TBXAS1: variants seen among roughly 807,000 people sequenced by gnomAD.
The protein encoded by TBXAS1 is thromboxane-A synthase.
TBXAS1 carries 48 observed loss-of-function variants against 60.7 expected under a neutral mutation model. The ratio of observed to expected loss-of-function variants is 0.79; its 90% CI spans 0.63 to 1.01. The LOEUF is 1.01. TBXAS1 is among the 50% of genes least tolerant of loss of function. The pLI is 0.00. For synonymous variants in TBXAS1, 287 were observed against 269.7 expected, an observed-to-expected ratio of 1.06 and a Z score of -0.63; for missense variants, 685 against 686.3, an observed-to-expected ratio of 1.00 and a Z score of 0.02.
intron 5 of TBXAS1, among the ~76,000 whole-genome samples, chr7:139,951,168 C>T (rs941471064): frequency 6.6e-6 from 1 of 152,094 alleles, no homozygotes; most frequent in African/African-American, 2.4e-5. Flanking sequence ...CTAAAAAAAT[C>T]GAAATAGCAA....
At chr7:139,901,069 G>A (rs1055062464) in intron 3 of TBXAS1, among the ~76,000 whole-genome samples, 1 of 152,190 alleles carries the variant, frequency 6.6e-6, no homozygotes, top group East Asian at 1.9e-4. Flanking sequence ...GCAGACAAAA[G>A]CAGGTGAGCC....
At chr7:139,886,574 C>T (rs1803131248) in intron 3 of TBXAS1, among the ~76,000 whole-genome samples, 1 of 152,044 alleles carries the variant, frequency 6.6e-6, no homozygotes, top group Admixed American at 6.6e-5. Context: ...TGTGGGCATC[C>T]AGGATTGAAT....
At chr7:139,824,312 G>A (rs1169318323), upstream of TBXAS1, among the ~76,000 whole-genome samples, 3 of 152,184 alleles carry the variant, frequency 2.0e-5, no homozygotes, top group South Asian at 2.1e-4. Flanking sequence ...GGCTCGAGAC[G>A]GAAAGTCGGT....
intron 4 of TBXAS1, among the ~76,000 whole-genome samples, chr7:139,808,912 A>G (rs1286726339): frequency 6.7e-6 from 1 of 150,222 alleles, no homozygotes; most frequent in African/African-American, 2.5e-5. Flanking sequence ...TTTCTCATCT[A>G]TCTCTATTTC....
chr7:139,912,553 G>A (rs1805614265), intron 4 of TBXAS1, among the ~76,000 whole-genome samples: 1 of 152,304 alleles, frequency 6.6e-6, no homozygotes, highest in Admixed American at 6.5e-5. Context: ...CAGGCACTGT[G>A]TAGGTGCTGA....
chr7:139,792,970 G>A (rs1169994827), intron 4 of TBXAS1, among the ~76,000 whole-genome samples: 1 of 152,196 alleles, frequency 6.6e-6, no homozygotes. Context: ...TCTGCAGCCT[G>A]CCTGATTCAT....
intron 3 of TBXAS1, among the ~76,000 whole-genome samples, chr7:139,882,658 A>G (rs766837597): frequency 9.9e-5 from 15 of 152,228 alleles, no homozygotes; most frequent in Admixed American, 2.0e-4. Flanking sequence ...AATACCCTTG[A>G]AACAGTGGAA....
intron 4 of TBXAS1, among the ~76,000 whole-genome samples, chr7:139,789,093 G>A (rs1037205251): frequency 2.6e-5 from 4 of 152,168 alleles, no homozygotes; most frequent in Non-Finnish European, 5.9e-5. Flanking sequence ...GGTCGTTAGT[G>A]TGATGGGGTG....
rs566136692 is a variant in TBXAS1, at chr7:140,004,473, C to G, written c.1135-2618C>G. On this transcript the variant is annotated intron_variant, in intron 9 of 12. Transcript: ENST00000448866. This position sits in a 1 kb window ranked among gnomAD's most constrained non-coding sequence, Gnocchi z 5.1. ...AGCGTTTAACTTATATGCAGAACCA[C>G]TGAAATTACACAATTGGTGTTTGTG... Among the ~76,000 whole-genome samples, 1 of 152,302 alleles carries G rather than the reference C, an allele frequency of 6.6e-6. No individual in the cohort carries two copies. The highest frequency in any genetic ancestry group is 2.1e-4 in the South Asian group (1 of 4,832).
intron 1 of TBXAS1, among the ~76,000 whole-genome samples, chr7:139,843,429 G>A (rs1456630992): frequency 6.6e-6 from 1 of 151,952 alleles, no homozygotes; most frequent in South Asian, 2.1e-4. Flanking sequence ...TGCAACCTCC[G>A]CCTCCCGGGT....
rs528430989 is a variant in TBXAS1 at position 139,792,615 on chromosome 7, G to A, written c.-80+5189G>A. Reference sequence around the variant, plus strand: ...TGAGGGACTGCATGAAGCACAGTTGGACAAATAGCCAGTCCTCTTTATCTG... The same window carrying A: ...TGAGGGACTGCATGAAGCACAGTTGAACAAATAGCCAGTCCTCTTTATCTG... On this transcript the variant is annotated intron_variant, in intron 4 of 16. Coordinates refer to the TBXAS1 transcript ENST00000336425. Among the ~76,000 whole-genome samples the A allele has an allele frequency of 2.1e-3, 319 of 152,306 alleles. 1 individual carries two copies. The highest frequency in any genetic ancestry group is 7.3e-3 in the African/African-American group (303 of 41,568).
At chr7:139,893,801 G>C (rs950926305) in intron 3 of TBXAS1, among the ~76,000 whole-genome samples, 2 of 152,192 alleles carry the variant, frequency 1.3e-5, no homozygotes, top group African/African-American at 4.8e-5. Flanking sequence ...ACCTCTGCCT[G>C]TCCCCCTCTG....
At chr7:139,842,472 C>T (rs1799515045) in intron 1 of TBXAS1, among the ~76,000 whole-genome samples, 1 of 152,198 alleles carries the variant, frequency 6.6e-6, no homozygotes, top group Non-Finnish European at 1.5e-5. Flanking sequence ...AGTACGCGGT[C>T]TATGGGAACC....
intron 1 of TBXAS1, among the ~76,000 whole-genome samples, chr7:139,870,444 G>C (rs1000925487): frequency 6.6e-5 from 10 of 152,216 alleles, no homozygotes; most frequent in African/African-American, 2.4e-4. Context: ...GGATGTTAAA[G>C]AAAGTGTTAA....
chr7:139,832,627 G>A (rs1023489362), intron 1 of TBXAS1, among the ~76,000 whole-genome samples: 10 of 152,290 alleles, frequency 6.6e-5, no homozygotes, highest in Admixed American at 2.6e-4. Context: ...GAAATTCATC[G>A]CAAAAAGATC....
rs180804223 is a variant in TBXAS1, at chr7:139,803,515, G to T, written c.-80+16089G>T. 4.6e-3 allele frequency among the ~76,000 whole-genome samples: 700 copies of T among 152,344 alleles called. 4 individuals carry two copies. Among genetic ancestry groups the T allele is most frequent in the African/African-American group, 0.012 (514 of 41,590 alleles). On this transcript the variant is annotated intron_variant, in intron 4 of 16. Coordinates refer to the TBXAS1 transcript ENST00000336425. ...TGGAGAGAAATTCAAGCCTGCTGCA[G>T]AAATTTGCATAAGTAAGGAGCCCAA...
intron 3 of TBXAS1, among the ~76,000 whole-genome samples, chr7:139,890,492 G>A (rs1803511455): frequency 6.6e-6 from 1 of 152,138 alleles, no homozygotes; most frequent in East Asian, 1.9e-4. Flanking sequence ...TGGGATTACA[G>A]GCGTGAGCCA....
At chr7:139,890,147 C>T (rs544932767) in intron 3 of TBXAS1, among the ~76,000 whole-genome samples, 2 of 151,284 alleles carry the variant, frequency 1.3e-5, no homozygotes, top group Non-Finnish European at 2.9e-5. Flanking sequence ...AGAAAGACTC[C>T]GAACCTTTCA....
At chr7:139,893,512 A>G (rs1219345800) in intron 3 of TBXAS1, among the ~76,000 whole-genome samples, 2 of 152,208 alleles carry the variant, frequency 1.3e-5, no homozygotes, top group Non-Finnish European at 2.9e-5. Flanking sequence ...TGCTGTTTGC[A>G]TCAACAACTT....
Sources: gnomAD v4.1 joint callset for allele counts (sites outside exome capture counted in the v4.1 genomes callset) on GRCh38, gnomAD v4.1.1 for gene constraint, Gnocchi (gnomAD v3.1) non-coding constraint, MANE v1.5 for transcripts, NCBI Gene and HGNC (gene_info 2026-07-23, HGNC 2026-07-21) for gene names.